CYLD: variants seen among roughly 807,000 people sequenced by gnomAD.
CYLD encodes the protein ubiquitin carboxyl-terminal hydrolase CYLD.
Under a neutral mutation model 104.5 loss-of-function variants are expected in CYLD, and 26 were observed. The observed-to-expected ratio is 0.25, with a 90% CI of 0.18 to 0.35. The LOEUF (loss-of-function observed/expected upper bound fraction) is 0.35, where lower values mean the gene tolerates loss of function less well. Among genes scored for constraint, CYLD ranks in the 10% least tolerant of loss-of-function variants. The probability of loss-of-function intolerance (pLI) is 1.00; values close to 1 mark genes in which losing one functional copy is unlikely to be tolerated. For synonymous variants in CYLD, 385 were observed against 399.9 expected (o/e 0.96, Z 0.45); for missense variants, 703 against 1,136.1 (o/e 0.62, Z 5.48).
intron 5 of CYLD, among the ~76,000 whole-genome samples, chr16:50,774,583 A>G (rs1314995015): frequency 6.6e-6 from 1 of 152,236 alleles, no homozygotes; most frequent in East Asian, 1.9e-4. Context: ...TGATACTGCA[A>G]TAGTTGATCT....
At chr16:50,788,794 A>G (rs1022271053) in intron 14 of CYLD, among the ~76,000 whole-genome samples, 1 of 152,250 alleles carries the variant, frequency 6.6e-6, no homozygotes, top group African/African-American at 2.4e-5. Context: ...GCATTTCTGT[A>G]TACCTTCAAG....
intron 5 of CYLD, among the ~76,000 whole-genome samples, chr16:50,767,488 A>G (rs923873340): frequency 1.4e-5 from 2 of 146,612 alleles, no homozygotes; most frequent in Non-Finnish European, 3.0e-5. Flanking sequence ...TTTAATTTCC[A>G]TAGAGTACTT....
chr16:50,778,976 G>A (rs923620969), intron 8 of CYLD, among the ~76,000 whole-genome samples: 4 of 152,172 alleles, frequency 2.6e-5, no homozygotes, highest in Non-Finnish European at 1.5e-5. Context: ...GCTTTTGGCT[G>A]TGGCTCTCTT....
intron 15 of CYLD, 33 bp downstream of exon 15, chr16:50,791,723 A>G: frequency 1.9e-6 from 3 of 1,612,092 alleles, no homozygotes; most frequent in Non-Finnish European, 2.5e-6. Context: ...ATTTTATGTG[A>G]AAGTCTGTGG....
At chr16:50,743,940 C>T (rs1965952626) in intron 2 of CYLD, among the ~76,000 whole-genome samples, 1 of 152,192 alleles carries the variant, frequency 6.6e-6, no homozygotes, top group Non-Finnish European at 1.5e-5. Flanking sequence ...TCTTCTCTTT[C>T]TCTTGGTTTA....
intron 5 of CYLD, among the ~76,000 whole-genome samples, chr16:50,770,130 G>A (rs1968986295): frequency 6.6e-6 from 1 of 152,134 alleles, no homozygotes; most frequent in Non-Finnish European, 1.5e-5. Flanking sequence ...GTAGTTTCCT[G>A]AGTGCACATA....
At chr16:50,776,303 T>C (rs1440057477) in intron 7 of CYLD, 26 bp downstream of exon 7, 2 of 1,478,506 alleles carry the variant, frequency 1.4e-6, no homozygotes, top group Non-Finnish European at 1.9e-6. Flanking sequence ...ATATAACCTT[T>C]AGTAATTTGC....
At chr16:50,782,502 GC>G (rs756553063) in intron 11 of CYLD, 36 bp downstream of exon 11, 23 of 1,609,494 alleles carry the variant, frequency 1.4e-5, no homozygotes, top group Non-Finnish European at 2.6e-6. Context: ...TATAGATAGT[GC>G]CATGAGGCAG....
intron 5 of CYLD, 51 bp downstream of exon 5, chr16:50,754,475 T>G (rs1457983994): frequency 8.8e-7 from 1 of 1,136,628 alleles, no homozygotes; most frequent in Non-Finnish European, 1.3e-6. Flanking sequence ...ATTTTTTAAT[T>G]TTTTATTTTT....
chr16:50,773,730 G>T (rs1221669891), intron 5 of CYLD, among the ~76,000 whole-genome samples: 1 of 151,958 alleles, frequency 6.6e-6, no homozygotes, highest in East Asian at 1.9e-4. Context: ...TGAAAGCTTT[G>T]CTTCATGACC....
chr16:50,773,636 T>G (rs974079986), intron 5 of CYLD, among the ~76,000 whole-genome samples: 3 of 152,216 alleles, frequency 2.0e-5, no homozygotes, highest in African/African-American at 7.2e-5. Flanking sequence ...CACACAAAAT[T>G]GCCAGCTGAA....
At chr16:50,769,769 T>G (rs1343150929) in intron 5 of CYLD, among the ~76,000 whole-genome samples, 2 of 152,198 alleles carry the variant, frequency 1.3e-5, no homozygotes, top group African/African-American at 4.8e-5. Flanking sequence ...AGATCTCTTA[T>G]CTTGCCCTTT....
chr16:50,775,662 A>G (rs539217205), intron 6 of CYLD, among the ~76,000 whole-genome samples: 3 of 152,298 alleles, frequency 2.0e-5, no homozygotes, highest in South Asian at 4.1e-4. Context: ...ATTTTTATCA[A>G]TAAGTTTATT....
At chr16:50,776,341 A>C in intron 7 of CYLD, 64 bp downstream of exon 7, 1 of 1,134,474 alleles carries the variant, frequency 8.8e-7, no homozygotes, top group South Asian at 1.2e-5. Context: ...ATAGCATTAA[A>C]AAAGATTATA....
rs755102785 is a variant in CYLD, at chr16:50,791,510, G to A, written c.2109-48G>A. On this transcript the variant is annotated intron_variant, in intron 14 of 18. Coordinates refer to ENST00000427738, the MANE Select transcript of CYLD (RefSeq NM_001378743.1). The stretch of plus-strand genomic sequence containing the variant: ...GGGACAACTTAACATTTTGATTTAA[G>A]CATTTGATAAATAGGTTGTATGTAT... 3.1e-6 allele frequency: 5 copies of A among 1,606,164 alleles called. 1 individual carries two copies. The South Asian group carries it at 5.5e-5, about 18-fold the overall frequency.
chr16:50,754,493 A>G, intron 5 of CYLD, 69 bp downstream of exon 5: 1 of 1,055,410 alleles, frequency 9.5e-7, no homozygotes, highest in Non-Finnish European at 1.4e-6. Flanking sequence ...TTTTTATATC[A>G]ATATGTTTTG....
chr16:50,744,585 A>G (rs531559344), intron 2 of CYLD: 3 of 152,412 alleles, frequency 2.0e-5, no homozygotes, highest in African/African-American at 7.2e-5. Flanking sequence ...AAGCTCTTGA[A>G]TTGGATCTGT....
At chr16:50,787,428 G>A in intron 13 of CYLD, 1 of 284,600 alleles carries the variant, frequency 3.5e-6, no homozygotes, top group Non-Finnish European at 6.7e-6. Flanking sequence ...GCAGCATACT[G>A]TAAACAGCTG....
Position 50,784,384 on chromosome 16 carries a change from A to G in CYLD, c.1882A>G (p.Asn628Asp), listed in dbSNP as rs974881862. The change falls in exon 12 of 19, where the codon AAC becomes GAC. Residue 628 changes from asparagine (N) to aspartate (D), a missense_variant. By Grantham distance (23) the Asn-to-Asp change is conservative. Around this residue, in one of 5 missense-constraint regions of CYLD, gnomAD observed 125 missense variants for 325.4 expected, o/e 0.38. Transcript: ENST00000427738. Reference protein sequence around the residue: ...DTVLLRPKEKNDVEYYSETQE... With the variant: ...DTVLLRPKEKDDVEYYSETQE... ...TGTGTTACTTAGACCCAAAGAAAAGAACGATGTAGAATATTATAGTGAAAC... is the reference window on the plus strand; with the variant it reads ...TGTGTTACTTAGACCCAAAGAAAAGGACGATGTAGAATATTATAGTGAAAC... 6.2e-6 allele frequency: 10 copies of G among 1,613,430 alleles called. No homozygotes were observed. The highest frequency in any genetic ancestry group is 7.6e-6 in the Non-Finnish European group (9 of 1,179,680).
Sources: allele counts gnomAD v4.1 joint callset (sites outside exome capture counted in the v4.1 genomes callset), GRCh38; gene constraint gnomAD v4.1.1; regional missense constraint gnomAD v4.1.1; transcripts MANE v1.5; gene names NCBI Gene and HGNC (gene_info 2026-07-23, HGNC 2026-07-21).